Variants in ZNF326 observed in about 807,000 individuals in gnomAD.
ZNF326 encodes DBIRD complex subunit ZNF326.
Under a neutral mutation model 63.1 loss-of-function variants are expected in ZNF326, and 30 were observed. The observed-to-expected ratio is 0.48, with a 90% CI of 0.36 to 0.64. The LOEUF (loss-of-function observed/expected upper bound fraction) is 0.64, where lower values mean the gene tolerates loss of function less well. ZNF326 is among the 30% of genes least tolerant of loss of function. The pLI is 0.00. For synonymous variants in ZNF326, 194 were observed against 228.2 expected (o/e 0.85, Z 1.35); for missense variants, 609 against 720.3 (o/e 0.85, Z 1.77).
chr1:89,996,354 A>T (rs1222436266), intron 1 of ZNF326, among the ~76,000 whole-genome samples: 2 of 152,198 alleles, frequency 1.3e-5, no homozygotes, highest in African/African-American at 4.8e-5. Flanking sequence ...ATCTCAGCAT[A>T]TGTCTTACTC....
Position 90,021,479 on chromosome 1 carries a change from A to G in ZNF326, c.1305+557A>G, listed in dbSNP as rs539021731. On this transcript the variant is annotated intron_variant, in intron 10 of 11. Coordinates refer to ENST00000340281, the MANE Select transcript of ZNF326 (RefSeq NM_182976.4). Reference sequence around the variant, plus strand: ...AAAACAGCATTATCAGCTAGCATCTATTCTTACATTTTTTAGTAGAATATC... The same window carrying G: ...AAAACAGCATTATCAGCTAGCATCTGTTCTTACATTTTTTAGTAGAATATC... Among the ~76,000 whole-genome samples, 7 of 152,240 alleles carry G rather than the reference A, an allele frequency of 4.6e-5. No homozygotes were observed. The East Asian group carries it at 7.7e-4, about 17-fold the overall frequency.
chr1:90,018,891 A>G (rs1430266763), intron 9 of ZNF326, 107 bp downstream of exon 9: 3 of 503,152 alleles, frequency 6.0e-6, no homozygotes, highest in Admixed American at 8.9e-5. Context: ...ACAGTCATAT[A>G]TACAGTAGCT....
chr1:90,010,285 CAGTA>C lies in ZNF326; in HGVS notation c.814+6_814+9del, dbSNP rs1649174301. 1.1e-5 allele frequency: 17 copies of C among 1,612,048 alleles called. No homozygotes were observed. The highest frequency in any genetic ancestry group is 1.4e-5 in the Non-Finnish European group (16 of 1,179,270). On this transcript the variant is annotated splice_donor_variant and splice_donor_region_variant and coding_sequence_variant and intron_variant, in exon 6 of 12. Coordinates refer to ENST00000340281, the MANE Select transcript of ZNF326 (RefSeq NM_182976.4). LOFTEE classifies it high-confidence loss of function. ...AGAAGATAAGCCTCAGCAAATCACC[CAGTA>C]AGTAAGAAAACATAATTGCTATGAT...
intron 11 of ZNF326, among the ~76,000 whole-genome samples, chr1:90,026,056 TG>T (rs1358630524): frequency 6.6e-6 from 1 of 151,714 alleles, no homozygotes; most frequent in Non-Finnish European, 1.5e-5. Flanking sequence ...CTCCACCTCC[TG>T]GGTTCACGCC....
chr1:90,003,769 G>A (rs771722553), intron 2 of ZNF326, among the ~76,000 whole-genome samples: 13 of 152,156 alleles, frequency 8.5e-5, no homozygotes, highest in African/African-American at 2.2e-4. Flanking sequence ...CTCTTTGGAC[G>A]TCAGTTCCCC....
intron 4 of ZNF326, chr1:90,006,008 T>G: frequency 1.0e-6 from 1 of 985,420 alleles, no homozygotes; most frequent in African/African-American, 1.7e-5. Context: ...GCACAAAGGT[T>G]CCTGCTGAAT....
At chr1:90,014,666 G>A (rs1221355006) in intron 7 of ZNF326, among the ~76,000 whole-genome samples, 1 of 152,068 alleles carries the variant, frequency 6.6e-6, no homozygotes, top group Non-Finnish European at 1.5e-5. Flanking sequence ...CCTGGGCAAC[G>A]TGGCAAGACC....
Position 90,005,119 on chromosome 1 carries a change from T to G in ZNF326, c.98-14T>G, listed in dbSNP as rs755762972. On this transcript the variant is annotated splice_polypyrimidine_tract_variant and intron_variant, in intron 3 of 11. Coordinates refer to ENST00000340281, the MANE Select transcript of ZNF326 (RefSeq NM_182976.4). ...TGAGCATCATATAACTTTTTTCTTTTTAAACTCTTATAGGGATGGATCGTG... is the reference window on the plus strand; with the variant it reads ...TGAGCATCATATAACTTTTTTCTTTGTAAACTCTTATAGGGATGGATCGTG... 2 of 1,613,990 alleles carry G rather than the reference T, an allele frequency of 1.2e-6. No individual in the cohort carries two copies. The highest frequency in any genetic ancestry group is 2.2e-5 in the South Asian group (2 of 91,060).
intron 9 of ZNF326, among the ~76,000 whole-genome samples, chr1:90,020,150 A>G (rs1186128951): frequency 6.6e-6 from 1 of 151,988 alleles, no homozygotes; most frequent in Non-Finnish European, 1.5e-5. Context: ...ACATGATCTC[A>G]TTATTTCAGG....
intron 6 of ZNF326, 99 bp downstream of exon 6, chr1:90,010,385 C>T (rs1322780790): frequency 8.0e-7 from 1 of 1,244,718 alleles, no homozygotes; most frequent in East Asian, 2.5e-5. Flanking sequence ...ACAGAAACTA[C>T]ATAACAATTA....
chr1:90,007,844 A>G lies in ZNF326; in HGVS notation c.615+94A>G. ...TTTTCAACTAGAATAAACACTGTTC[A>G]TCCCGGTGTATTTTGAAGCAAAAGC... is the stretch of plus-strand genomic sequence containing the variant. On this transcript the variant is annotated intron_variant, in intron 5 of 11. Transcript: ENST00000340281. The surrounding 1 kb of genome is among the most constrained non-coding windows in gnomAD (Gnocchi z 4.9). 1 of 1,204,840 alleles carries G rather than the reference A, an allele frequency of 8.3e-7. No individual in the cohort carries two copies. The highest frequency in any genetic ancestry group is 1.1e-6 in the Non-Finnish European group (1 of 922,614). The allele number at this position is 1,204,840 out of a possible 1,614,324, so 74.6% of individuals were successfully genotyped here.
chr1:90,010,070 G>A lies in ZNF326; in HGVS notation c.616-18G>A. On this transcript the variant is annotated intron_variant, in intron 5 of 11. Coordinates refer to ENST00000340281, the MANE Select transcript of ZNF326 (RefSeq NM_182976.4). The stretch of plus-strand genomic sequence containing the variant: ...CTTGGACAATATGCTAATATTTATT[G>A]ATTTCACAAATTTACAGCATATGGG... 1 of 1,608,560 alleles carries A rather than the reference G, an allele frequency of 6.2e-7. No homozygotes were observed. Among genetic ancestry groups the A allele is most frequent in the Non-Finnish European group, 8.5e-7 (1 of 1,176,500 alleles).
chr1:90,010,413 T>G (rs1214988149), intron 6 of ZNF326, 127 bp downstream of exon 6: 1 of 975,454 alleles, frequency 1.0e-6, no homozygotes, highest in African/African-American at 1.7e-5. Flanking sequence ...AGAAGTTAGA[T>G]CTGTAAATCC....
intron 2 of ZNF326, among the ~76,000 whole-genome samples, chr1:89,999,534 A>G (rs542561159): frequency 6.6e-6 from 1 of 152,206 alleles, no homozygotes; most frequent in Admixed American, 6.5e-5. Context: ...TTTTCTCTTA[A>G]TTTTAGTTAT....
chr1:90,004,950 C>A (rs962002642), intron 2 of ZNF326, 53 bp from the exon 3 acceptor site: 1 of 1,512,814 alleles, frequency 6.6e-7, no homozygotes, highest in African/African-American at 1.4e-5. Context: ...GTGCAAAGAT[C>A]CCTGAAGAGA....
At position 90,034,844 on chromosome 1, in the gene ZNF326, A is replaced by T. The variant is rs991047820; in HGVS notation, c.*7143A>T. The T allele has an allele frequency of 1.3e-5, 2 of 152,176 alleles. No individual in the cohort carries two copies. The highest frequency in any genetic ancestry group is 4.8e-5 in the African/African-American group (2 of 41,460). The allele number at this position is 152,176 out of a possible 1,614,324, so 9.4% of individuals were successfully genotyped here. ...ATAGACCAGTCTCACTTACGAACAA[A>T]TGTAATTTGTTGAAACTGGTCATGT... On this transcript the variant is annotated 3_prime_UTR_variant, in exon 12 of 12. Coordinates refer to ENST00000340281, the MANE Select transcript of ZNF326 (RefSeq NM_182976.4).
At chr1:90,025,878 C>T (rs1471404889) in intron 11 of ZNF326, among the ~76,000 whole-genome samples, 1 of 151,882 alleles carries the variant, frequency 6.6e-6, no homozygotes, top group African/African-American at 2.4e-5. Flanking sequence ...TCATTTGACA[C>T]TGTTGATCTA....
Position 90,027,995 on chromosome 1 carries a change from A to G in ZNF326, c.*294A>G, listed in dbSNP as rs1042659028. On this transcript the variant is annotated 3_prime_UTR_variant, in exon 12 of 12. Transcript: ENST00000340281. ...TTAAGGATAACAAATGTGTATTGTT[A>G]GTATATCTATTCTAATCATTTTATC... The G allele has an allele frequency of 4.0e-5, 14 of 346,872 alleles. No homozygotes were observed. The highest frequency in any genetic ancestry group is 1.8e-4 in the Admixed American group (4 of 21,906). 21.5% of individuals were successfully genotyped at this position (346,872 alleles called of 1,614,324 possible).
intron 1 of ZNF326, among the ~76,000 whole-genome samples, chr1:89,997,384 T>C (rs1167683453): frequency 6.6e-6 from 1 of 152,162 alleles, no homozygotes; most frequent in African/African-American, 2.4e-5. Context: ...TGAAATCTTT[T>C]TTTTTTTGAG....
Sources: gnomAD v4.1 joint callset for allele counts (sites outside exome capture counted in the v4.1 genomes callset) on GRCh38, gnomAD v4.1.1 for gene constraint, Gnocchi (gnomAD v3.1) non-coding constraint, MANE v1.5 for transcripts, NCBI Gene and HGNC (gene_info 2026-07-23, HGNC 2026-07-21) for gene names.